Variants in WDR27 observed in about 807,000 individuals in gnomAD.
WDR27 encodes WD repeat-containing protein 27.
A neutral mutation model predicts 114.4 loss-of-function variants in WDR27; 100 were observed. The observed-to-expected ratio is 0.87, with a 90% CI of 0.74 to 1.03. The LOEUF is 1.03. Ranked by LOEUF, WDR27 falls within the 50% of genes least tolerant of loss-of-function variation. The pLI, the probability that WDR27 is intolerant of heterozygous loss-of-function variation, is 0.00. For synonymous variants in WDR27, 449 were observed against 423.1 expected, an observed-to-expected ratio of 1.06 and a Z score of -0.75; for missense variants, 1,129 against 1,092.9, an observed-to-expected ratio of 1.03 and a Z score of -0.47.
chr6:169,610,981 G>C (rs1220225444), intron 22 of WDR27, among the ~76,000 whole-genome samples: 1 of 152,072 alleles, frequency 6.6e-6, no homozygotes, highest in Non-Finnish European at 1.5e-5. Flanking sequence ...TAAAACCTTA[G>C]ACTTCACTAC....
intron 23 of WDR27, among the ~76,000 whole-genome samples, chr6:169,586,331 A>G (rs1020530997): frequency 6.6e-6 from 1 of 152,146 alleles, no homozygotes; most frequent in Admixed American, 6.5e-5. Flanking sequence ...TTTTCCTATA[A>G]CAGTAATGGC....
the WDR27 span, among the ~76,000 whole-genome samples, chr6:169,446,356 AG>A: frequency 1.3e-5 from 2 of 151,960 alleles, no homozygotes; most frequent in Admixed American, 1.3e-4. Flanking sequence ...ACCAGGGTGC[AG>A]GGAAGGTGGG....
intron 1 of WDR27, among the ~76,000 whole-genome samples, chr6:169,697,432 T>G (rs764116115): frequency 6.6e-6 from 1 of 152,078 alleles, no homozygotes; most frequent in Non-Finnish European, 1.5e-5. Flanking sequence ...GGAAAGGGAA[T>G]CTCCCTTTCT....
At chr6:169,651,273 G>T (rs7740360) in intron 14 of WDR27, among the ~76,000 whole-genome samples, 1 of 150,838 alleles carries the variant, frequency 6.6e-6, no homozygotes, top group Non-Finnish European at 1.5e-5. Flanking sequence ...GGAGACAAGC[G>T]TGTGCGCTGC....
rs375950795 is a variant in WDR27, at chr6:169,475,943, T to G, written c.2646-18309A>C. On this transcript the variant is annotated intron_variant, in intron 25 of 25. Coordinates refer to ENST00000448612, the MANE Select transcript of WDR27 (RefSeq NM_182552.5). ...GTTCTACTGGAATTTTGATAGAGAT[T>G]GCAGTGCATTTATACATTAATGGAG... Among the ~76,000 whole-genome samples the G allele has an allele frequency of 6.6e-5, 10 of 152,368 alleles. No individual in the cohort carries two copies. In the East Asian group the frequency reaches 1.9e-3, roughly 29 times the overall value.
At chr6:169,653,519 A>T (rs9396989) in intron 13 of WDR27, among the ~76,000 whole-genome samples, 12,788 of 152,298 alleles carry the variant, frequency 0.084, 1,741 homozygotes, top group East Asian at 0.61. Flanking sequence ...GTGCAAGACC[A>T]TATTATTTAC....
chr6:169,571,451 C>G (rs11964564), intron 25 of WDR27, among the ~76,000 whole-genome samples: 5,247 of 152,264 alleles, frequency 0.034, 228 homozygotes, highest in African/African-American at 0.1. Context: ...TTTTCGGACT[C>G]AAACCAGCAA....
intron 16 of WDR27, 78 bp downstream of exon 16, chr6:169,647,695 T>G: frequency 8.4e-7 from 1 of 1,187,658 alleles, no homozygotes; most frequent in South Asian, 1.3e-5. Context: ...TATGATACAA[T>G]AGAAAAATGT....
At chr6:169,661,539 C>T (rs1260269913) in intron 9 of WDR27, among the ~76,000 whole-genome samples, 1 of 152,218 alleles carries the variant, frequency 6.6e-6, no homozygotes, top group Non-Finnish European at 1.5e-5. Flanking sequence ...CAGCACCAGT[C>T]CACGGTTCAC....
chr6:169,489,322 T>G (rs911932222), intron 25 of WDR27, among the ~76,000 whole-genome samples: 1 of 152,130 alleles, frequency 6.6e-6, no homozygotes, highest in African/African-American at 2.4e-5. Flanking sequence ...CAAGATTTAG[T>G]GTGGATTAAA....
chr6:169,531,595 C>A (rs982736218), intron 25 of WDR27, among the ~76,000 whole-genome samples: 1 of 151,974 alleles, frequency 6.6e-6, no homozygotes, highest in Admixed American at 6.6e-5. Context: ...CTGCAATCGA[C>A]ATGAAATCAC....
At chr6:169,630,668 G>T (rs2128213585) in intron 21 of WDR27, among the ~76,000 whole-genome samples, 1 of 152,328 alleles carries the variant, frequency 6.6e-6, no homozygotes, top group East Asian at 1.9e-4. Context: ...GGCCGAGGCG[G>T]GCGGATCACA....
intron 23 of WDR27, among the ~76,000 whole-genome samples, chr6:169,587,258 G>T (rs1332171549): frequency 4.2e-5 from 1 of 24,024 alleles, no homozygotes; most frequent in South Asian, 2.8e-3. Context: ...TTGCTCTGTC[G>T]CCCAGGCTGG....
chr6:169,503,468 C>A (rs1759409537), intron 25 of WDR27, among the ~76,000 whole-genome samples: 1 of 152,070 alleles, frequency 6.6e-6, no homozygotes, highest in Non-Finnish European at 1.5e-5. Context: ...GTAAACATTT[C>A]TGGGAAGAAA....
Position 169,522,825 on chromosome 6 carries a change from G to A in WDR27, c.2645+49594C>T, listed in dbSNP as rs75808188. Among the ~76,000 whole-genome samples the A allele has an allele frequency of 1.4e-3, 206 of 150,718 alleles. 4 individuals carry two copies. In the East Asian group the frequency reaches 0.033, roughly 24 times the overall value. On this transcript the variant is annotated intron_variant, in intron 25 of 25. Coordinates refer to ENST00000448612, the MANE Select transcript of WDR27 (RefSeq NM_182552.5). ...TAGCAAAAATAGTACTAAGAGGGAA[G>A]TTTATAGGAATAAACTTTCTTCATA...
At position 169,686,343 on chromosome 6, in the gene WDR27, G is replaced by A. The variant is rs1782944247; in HGVS notation, c.189+2474C>T. 2.6e-5 allele frequency among the ~76,000 whole-genome samples: 4 copies of A among 152,064 alleles called. No homozygotes were observed. The South Asian group carries it at 8.3e-4, about 31-fold the overall frequency. On this transcript the variant is annotated intron_variant, in intron 2 of 25. Transcript: ENST00000448612. ...ACCCAACTGAAAAAATAAACAGTAA[G>A]AGAAGAAGTAACGAACAAAAGATAT...
At chr6:169,580,491 C>G (rs1351777682) in intron 24 of WDR27, among the ~76,000 whole-genome samples, 1 of 152,200 alleles carries the variant, frequency 6.6e-6, no homozygotes, top group African/African-American at 2.4e-5. Context: ...ATTTCTGTGA[C>G]TGTTTTCATT....
intron 24 of WDR27, among the ~76,000 whole-genome samples, chr6:169,578,857 G>C (rs926772970): frequency 6.6e-6 from 1 of 152,198 alleles, no homozygotes; most frequent in Non-Finnish European, 1.5e-5. Flanking sequence ...GAGAGACTCA[G>C]GGAGATCAAG....
chr6:169,563,553 G>T (rs1397973213), intron 25 of WDR27, among the ~76,000 whole-genome samples: 2 of 152,212 alleles, frequency 1.3e-5, no homozygotes, highest in Non-Finnish European at 2.9e-5. Context: ...CGAGAGCAGA[G>T]GGGATGTCTG....
Sources: allele counts gnomAD v4.1 joint callset (sites outside exome capture counted in the v4.1 genomes callset), GRCh38; gene constraint gnomAD v4.1.1; transcripts MANE v1.5; gene names NCBI Gene and HGNC (gene_info 2026-07-23, HGNC 2026-07-21).